PYGB: variants seen among roughly 807,000 people sequenced by gnomAD.
The protein encoded by PYGB is glycogen phosphorylase B.
A neutral mutation model predicts 94.3 loss-of-function variants in PYGB; 82 were observed. The observed-to-expected ratio is 0.87, with a 90% CI of 0.73 to 1.04. The LOEUF (loss-of-function observed/expected upper bound fraction) is 1.04. Among genes scored for constraint, PYGB ranks in the 50% least tolerant of loss-of-function variants. PYGB has a pLI of 0.00. For synonymous variants in PYGB, 488 were observed against 479.1 expected (o/e 1.02, Z -0.24); for missense variants, 1,132 against 1,158.2 (o/e 0.98, Z 0.33).
intron 1 of PYGB, among the ~76,000 whole-genome samples, chr20:25,255,684 G>A (rs919862411): frequency 6.6e-6 from 1 of 152,102 alleles, no homozygotes; most frequent in Non-Finnish European, 1.5e-5. Flanking sequence ...TTTCAGACCA[G>A]ATCTGCCTGT....
chr20:25,274,832 C>G (rs750594527), intron 5 of PYGB, 109 bp downstream of exon 5: 74 of 1,464,046 alleles, frequency 5.1e-5, no homozygotes, highest in Non-Finnish European at 6.8e-5. Flanking sequence ...TTGCTGCCTC[C>G]CTGGAGGACT....
chr20:25,292,624 G>T lies in PYGB; in HGVS notation c.2177+11G>T. The T allele has an allele frequency of 6.2e-7, 1 of 1,608,090 alleles. No individual in the cohort carries two copies. Among genetic ancestry groups the T allele is most frequent in the Non-Finnish European group, 8.5e-7 (1 of 1,178,460 alleles). On this transcript the variant is annotated intron_variant, in intron 17 of 19. Coordinates refer to ENST00000216962, the MANE Select transcript of PYGB (RefSeq NM_002862.4). ...CTTGGACCGGAAAGGGTGCGAGCCTGTGCCCCTGGGCACCTGGCACCGTGA... is the reference window on the plus strand; with the variant it reads ...CTTGGACCGGAAAGGGTGCGAGCCTTTGCCCCTGGGCACCTGGCACCGTGA...
intron 18 of PYGB, chr20:25,295,108 A>G: frequency 1.4e-6 from 2 of 1,416,158 alleles, no homozygotes; most frequent in Non-Finnish European, 2.0e-6. Context: ...AGTGAACAGA[A>G]ATGCATTTGT....
At chr20:25,280,143 G>T (rs543679155) in intron 9 of PYGB, 123 bp from the exon 10 acceptor site, 1 of 1,199,112 alleles carries the variant, frequency 8.3e-7, no homozygotes, top group African/African-American at 1.5e-5. Flanking sequence ...CAGAGGGGAC[G>T]GTGGCCCTTC....
chr20:25,290,035 G>A, intron 15 of PYGB: 1 of 482,540 alleles, frequency 2.1e-6, no homozygotes, highest in Non-Finnish European at 4.3e-6. Context: ...ACTGGCCGTG[G>A]TGTCTCAGTT....
intron 12 of PYGB, among the ~76,000 whole-genome samples, chr20:25,282,915 G>A (rs57974728): frequency 0.021 from 3,175 of 152,320 alleles, 102 homozygotes; most frequent in African/African-American, 0.072. Context: ...CCTGGGATCG[G>A]TGGCTGAGGG....
intron 1 of PYGB, chr20:25,250,913 C>T (rs904387559): frequency 6.6e-6 from 1 of 152,190 alleles, no homozygotes; most frequent in African/African-American, 2.4e-5. Context: ...ACTTCTATCG[C>T]CCACTTTGTG....
rs773938519 is a variant in PYGB at position 25,248,340 on chromosome 20, C to G, written c.162C>G (p.Phe54Leu). The change falls in exon 1 of 20, where the codon TTC becomes TTG. Residue 54 changes from phenylalanine (F) to leucine (L), a missense_variant. Transcript: ENST00000216962. ...RNVATPRDYF[F>L]ALAHTVRDHL... The stretch of plus-strand genomic sequence containing the variant: ...TGGCCACGCCCCGCGACTACTTCTT[C>G]GCGCTGGCGCACACGGTGCGCGACC... 1.2e-6 allele frequency: 2 copies of G among 1,603,062 alleles called. No individual in the cohort carries two copies. Among genetic ancestry groups the G allele is most frequent in the South Asian group, 2.2e-5 (2 of 89,386 alleles).
intron 2 of PYGB, among the ~76,000 whole-genome samples, chr20:25,267,169 G>A (rs572028423): frequency 3.3e-5 from 5 of 152,294 alleles, no homozygotes; most frequent in Admixed American, 6.5e-5. Flanking sequence ...AAGACGGGAA[G>A]GGCTGACACA....
In PYGB at chr20:25,278,229, C is replaced by A; in HGVS notation, c.856-90C>A. On this transcript the variant is annotated intron_variant, in intron 7 of 19. Transcript: ENST00000216962. ...GGCTGGGCTCCTCTCGGCCTTCTGCCTGCACCTTTGAGCCAGGTCGCTGAC... is the reference window on the plus strand; with the variant it reads ...GGCTGGGCTCCTCTCGGCCTTCTGCATGCACCTTTGAGCCAGGTCGCTGAC... The A allele has an allele frequency of 2.4e-6, 3 of 1,264,034 alleles. No individual in the cohort carries two copies. In the East Asian group the frequency reaches 1.5e-4, roughly 64 times the overall value. The allele number at this position is 1,264,034 out of a possible 1,614,324, so 78.3% of individuals were successfully genotyped here.
chr20:25,266,548 G>T (rs1182467911), intron 2 of PYGB, among the ~76,000 whole-genome samples: 1 of 152,030 alleles, frequency 6.6e-6, no homozygotes, highest in Non-Finnish European at 1.5e-5. Flanking sequence ...AGATACATTG[G>T]ACTTCATCAA....
chr20:25,276,073 A>C (rs2123559404), intron 5 of PYGB, among the ~76,000 whole-genome samples: 1 of 152,048 alleles, frequency 6.6e-6, no homozygotes, highest in Middle Eastern at 3.4e-3. Flanking sequence ...ATGCAGGGGA[A>C]CCTGGGGGCT....
At chr20:25,295,496 C>G in intron 18 of PYGB, 108 bp from the exon 19 acceptor site, 1 of 1,319,268 alleles carries the variant, frequency 7.6e-7, no homozygotes, top group South Asian at 1.2e-5. Flanking sequence ...TCGCTCCAGA[C>G]AGGACCAGGT....
chr20:25,278,150 TA>T (rs2088330361), intron 7 of PYGB, among the ~76,000 whole-genome samples, 168 bp from the exon 8 acceptor site: 1 of 152,214 alleles, frequency 6.6e-6, no homozygotes, highest in Non-Finnish European at 1.5e-5. Flanking sequence ...CAGGCGGGGT[TA>T]CCTTCCTCAG....
At chr20:25,252,224 T>C (rs975853363) in intron 1 of PYGB, among the ~76,000 whole-genome samples, 18 of 152,242 alleles carry the variant, frequency 1.2e-4, no homozygotes, top group African/African-American at 4.3e-4. Flanking sequence ...GCTGTCATTT[T>C]AGCAGATGGA....
At position 25,278,576 on chromosome 20, in the gene PYGB, G is replaced by A; in HGVS notation, c.999+114G>A. 7 of 1,371,848 alleles carry A rather than the reference G, an allele frequency of 5.1e-6. No homozygotes were observed. In the South Asian group the frequency reaches 1.0e-4, roughly 20 times the overall value. 85.0% of individuals were successfully genotyped at this position (1,371,848 alleles called of 1,614,324 possible). A position where few individuals can be genotyped will look rare whatever the true frequency, so the allele number is the denominator to read the frequency against. ...TAGAGTGGAATGGTACATGCCCCTT[G>A]TCTTGGGGTCTCGTCATTCTGGGCC... On this transcript the variant is annotated intron_variant, in intron 8 of 19. Transcript: ENST00000216962.
intron 4 of PYGB, among the ~76,000 whole-genome samples, chr20:25,272,169 C>T (rs773668842): frequency 1.3e-5 from 2 of 152,188 alleles, no homozygotes; most frequent in African/African-American, 2.4e-5. Context: ...CTATTCCATT[C>T]GGTTAGAAAA....
chr20:25,271,109 C>T lies in PYGB; in HGVS notation c.425-274C>T, dbSNP rs61245897. On this transcript the variant is annotated intron_variant, in intron 3 of 19. Transcript: ENST00000216962. Reference sequence around the variant, plus strand: ...CTGAGAGTGGGGCAGTGGGGGGCTTCGTGCTTGGAGAGGTTCCAGGCCTGG... The same window carrying T: ...CTGAGAGTGGGGCAGTGGGGGGCTTTGTGCTTGGAGAGGTTCCAGGCCTGG... Among the ~76,000 whole-genome samples, 1,359 of 152,224 alleles carry T rather than the reference C, an allele frequency of 8.9e-3. 16 individuals carry two copies. The highest frequency in any genetic ancestry group is 0.03 in the African/African-American group (1,265 of 41,518).
Position 25,294,194 on chromosome 20 carries a change from G to A in PYGB, c.2214G>A (p.Glu738=). 2 of 1,613,982 alleles carry A rather than the reference G, an allele frequency of 1.2e-6. No individual in the cohort carries two copies. The highest frequency in any genetic ancestry group is 1.7e-6 in the Non-Finnish European group (2 of 1,180,026). Residue 738 remains glutamate (E), a synonymous_variant, in exon 18 of 20, where the codon GAG becomes GAA. Transcript: ENST00000216962. ...NAREYYDHLP[E]LKQAVDQISS... The stretch of plus-strand genomic sequence containing the variant: ...GGGAGTACTACGACCACCTGCCCGA[G>A]CTGAAGCAGGCCGTGGACCAGATCA...
Sources: allele counts gnomAD v4.1 joint callset (sites outside exome capture counted in the v4.1 genomes callset), GRCh38; gene constraint gnomAD v4.1.1; transcripts MANE v1.5; gene names NCBI Gene and HGNC (gene_info 2026-07-23, HGNC 2026-07-21).